The following PRMT8 variants were observed in gnomAD, a reference collection of about 807,000 sequenced individuals.
The protein encoded by PRMT8 is protein arginine methyltransferase 8, also known as protein arginine N-methyltransferase 8.
PRMT8 carries 7 observed loss-of-function variants against 47.1 expected under a neutral mutation model. That is an observed-to-expected ratio of 0.15 (90% CI 0.08 to 0.28). PRMT8 has a LOEUF of 0.28. Ranked by LOEUF, PRMT8 falls within the 10% of genes least tolerant of loss-of-function variation. The pLI is 1.00. For synonymous variants in PRMT8, 188 were observed against 186.5 expected (o/e 1.01, Z -0.07); for missense variants, 237 against 505.4 (o/e 0.47, Z 5.09).
chr12:3,488,937 A>C (rs1017508408), upstream of PRMT8, among the ~76,000 whole-genome samples: 1 of 152,218 alleles, frequency 6.6e-6, no homozygotes, highest in Non-Finnish European at 1.5e-5. Flanking sequence ...AGGTGGTTAC[A>C]TAGCAGGAAC....
chr12:3,394,996 C>T (rs1462884486), intron 1 of PRMT8, among the ~76,000 whole-genome samples: 13 of 151,902 alleles, frequency 8.6e-5, no homozygotes, highest in South Asian at 2.1e-4. Flanking sequence ...AGTTTATTTG[C>T]GTAGAGGTGT....
At chr12:3,521,269 C>G (rs1270342749) in intron 1 of PRMT8, among the ~76,000 whole-genome samples, 1 of 152,124 alleles carries the variant, frequency 6.6e-6, no homozygotes, top group Non-Finnish European at 1.5e-5. Context: ...CATGTGTGAT[C>G]CAATACTCAA....
At chr12:3,505,072 CGCACACA>C (rs1447088090) in intron 1 of PRMT8, among the ~76,000 whole-genome samples, 16 of 141,634 alleles carry the variant, frequency 1.1e-4, no homozygotes, top group African/African-American at 4.0e-4. Context: ...GCGCACGGTG[CGCACACA>C]CACTGGCCTG....
chr12:3,592,438 T>C (rs555941621), intron 9 of PRMT8, 86 bp downstream of exon 9: 1 of 1,454,346 alleles, frequency 6.9e-7, no homozygotes, highest in African/African-American at 1.5e-5. Flanking sequence ...GGTTCTTAAG[T>C]GTCTCATGAA....
At chr12:3,568,657 C>G (rs1447750993) in intron 4 of PRMT8, 49 bp from the exon 5 acceptor site, 5 of 1,610,360 alleles carry the variant, frequency 3.1e-6, no homozygotes, top group Non-Finnish European at 4.2e-6. Context: ...GCTTGTGGTT[C>G]CTGGGTGGGG....
In PRMT8 at chr12:3,508,962, C is replaced by G. The variant is rs1865671483; in HGVS notation, c.75+17262C>G. On this transcript the variant is annotated intron_variant, in intron 1 of 9. Transcript: ENST00000382622. This position sits in a 1 kb window ranked among gnomAD's most constrained non-coding sequence, Gnocchi z 4.9. ...TGGCGATTCTACATCTGAAATGTTT[C>G]TCCTCTTTGTCCTGAATCTGTCCTC... Among the ~76,000 whole-genome samples the G allele has an allele frequency of 6.6e-6, 1 of 152,174 alleles. No individual in the cohort carries two copies. The highest frequency in any genetic ancestry group is 1.5e-5 in the Non-Finnish European group (1 of 68,042).
At position 3,576,443 on chromosome 12, in the gene PRMT8, T is replaced by G. The variant is rs896631046; in HGVS notation, c.713-428T>G. On this transcript the variant is annotated intron_variant, in intron 6 of 9. Transcript: ENST00000382622. This position sits in a 1 kb window ranked among gnomAD's most constrained non-coding sequence, Gnocchi z 4.0. ...GGGAGAGAGATGGGCCTTCTAGGTCTTCTAGGTGTGGAGAACAGCTCGAGA... is the reference window on the plus strand; with the variant it reads ...GGGAGAGAGATGGGCCTTCTAGGTCGTCTAGGTGTGGAGAACAGCTCGAGA... Among the ~76,000 whole-genome samples, 5 of 152,188 alleles carry G rather than the reference T, an allele frequency of 3.3e-5. No homozygotes were observed. Among genetic ancestry groups the G allele is most frequent in the Admixed American group, 6.5e-5 (1 of 15,284 alleles).
rs867514985 is a variant in PRMT8, at chr12:3,508,325, T to C, written c.75+16625T>C. Among the ~76,000 whole-genome samples, 35 of 152,296 alleles carry C rather than the reference T, an allele frequency of 2.3e-4. No homozygotes were observed. The highest frequency in any genetic ancestry group is 7.7e-4 in the African/African-American group (32 of 41,562). Reference sequence around the variant, plus strand: ...CGCTTCTGAGTCAGTAGGTGCGTCATGCAGGAGAACATGCTCATATACAAA... The same window carrying C: ...CGCTTCTGAGTCAGTAGGTGCGTCACGCAGGAGAACATGCTCATATACAAA... On this transcript the variant is annotated intron_variant, in intron 1 of 9. Coordinates refer to ENST00000382622, the MANE Select transcript of PRMT8 (RefSeq NM_019854.5). The surrounding 1 kb of genome is among the most constrained non-coding windows in gnomAD (Gnocchi z 4.9).
At chr12:3,425,318 G>A (rs1333693014) in intron 1 of PRMT8, among the ~76,000 whole-genome samples, 1 of 152,234 alleles carries the variant, frequency 6.6e-6, no homozygotes, top group East Asian at 1.9e-4. Flanking sequence ...CGCTTCTTGT[G>A]CTAGCAGGGC....
chr12:3,434,968 C>G (rs1265120164), intron 1 of PRMT8, among the ~76,000 whole-genome samples: 18 of 130,722 alleles, frequency 1.4e-4, no homozygotes, highest in African/African-American at 4.6e-4. Context: ...TTGCTTTGCT[C>G]TTTTTTTTTT....
At chr12:3,553,120 C>A in intron 3 of PRMT8, 1 of 192,726 alleles carries the variant, frequency 5.2e-6, no homozygotes, top group Non-Finnish European at 1.1e-5. Flanking sequence ...GATGAAGCGG[C>A]GAGAGCTAAC....
intron 1 of PRMT8, among the ~76,000 whole-genome samples, chr12:3,460,311 G>A (rs1865026749): frequency 6.6e-6 from 1 of 152,192 alleles, no homozygotes; most frequent in Non-Finnish European, 1.5e-5. Flanking sequence ...TTCTTTTAAA[G>A]AGTCAAGAGT....
chr12:3,484,068 C>T (rs1270493550), intron 1 of PRMT8, among the ~76,000 whole-genome samples: 3 of 152,182 alleles, frequency 2.0e-5, no homozygotes, highest in African/African-American at 7.2e-5. Context: ...CTGGAATGAA[C>T]ACAGTAATTA....
intron 1 of PRMT8, among the ~76,000 whole-genome samples, chr12:3,392,893 T>C (rs1032165521): frequency 3.9e-5 from 6 of 152,246 alleles, no homozygotes; most frequent in African/African-American, 1.4e-4. Flanking sequence ...GACTTTTTAA[T>C]GATCGCCATT....
chr12:3,491,192 G>C (rs1591567610), upstream of PRMT8: 1 of 992,964 alleles, frequency 1.0e-6, no homozygotes, highest in Non-Finnish European at 1.2e-6. Flanking sequence ...GAGACGCGCA[G>C]GAAGCGTGTT....
In PRMT8 at chr12:3,571,295, A is replaced by G. The variant is rs1398195771; in HGVS notation, c.712+1731A>G. ...GAGTGTTGATCAAATGCATGTATAA[A>G]TAGGACATATTTTGCCCTGGAGCTG... On this transcript the variant is annotated intron_variant, in intron 6 of 9. Coordinates refer to ENST00000382622, the MANE Select transcript of PRMT8 (RefSeq NM_019854.5). Among the ~76,000 whole-genome samples, 4 of 152,362 alleles carry G rather than the reference A, an allele frequency of 2.6e-5. No homozygotes were observed. The South Asian group carries it at 6.2e-4, about 24-fold the overall frequency.
intron 1 of PRMT8, among the ~76,000 whole-genome samples, chr12:3,448,886 C>T (rs543557333): frequency 6.6e-6 from 1 of 152,162 alleles, no homozygotes; most frequent in South Asian, 2.1e-4. Context: ...TGATGCACTC[C>T]TTCTCCTTGC....
At chr12:3,397,666 T>G (rs1044459034) in intron 1 of PRMT8, among the ~76,000 whole-genome samples, 12 of 152,194 alleles carry the variant, frequency 7.9e-5, no homozygotes, top group East Asian at 1.9e-4. Context: ...GTCTTTTTGT[T>G]TGTCTGTGCC....
chr12:3,581,537 A>G (rs1210732432), intron 7 of PRMT8, among the ~76,000 whole-genome samples: 1 of 152,176 alleles, frequency 6.6e-6, no homozygotes, highest in Non-Finnish European at 1.5e-5. Flanking sequence ...TGCCTTGGAT[A>G]AAAGGCTCAG....
Sources: allele counts gnomAD v4.1 joint callset (sites outside exome capture counted in the v4.1 genomes callset), GRCh38; gene constraint gnomAD v4.1.1; non-coding constraint Gnocchi (gnomAD v3.1); transcripts MANE v1.5; gene names NCBI Gene and HGNC (gene_info 2026-07-23, HGNC 2026-07-21).